PTPRD: variants seen among roughly 807,000 people sequenced by gnomAD.
The protein encoded by PTPRD is protein tyrosine phosphatase receptor type D.
A neutral mutation model predicts 214.5 loss-of-function variants in PTPRD; 34 were observed. That is an observed-to-expected ratio of 0.16 (90% CI 0.12 to 0.21). The LOEUF (loss-of-function observed/expected upper bound fraction) is 0.21, where lower values mean the gene tolerates loss of function less well. Among genes scored for constraint, PTPRD ranks in the 10% least tolerant of loss-of-function variants. PTPRD has a pLI of 1.00. For synonymous variants in PTPRD, 1,128 were observed against 845.7 expected, an observed-to-expected ratio of 1.33 and a Z score of -5.79; for missense variants, 2,545 against 2,398.7, an observed-to-expected ratio of 1.06 and a Z score of -1.27.
rs911024588 is a variant in PTPRD, at chr9:9,162,682, A to G, written c.-143+20622T>C. Among the ~76,000 whole-genome samples, 13 of 152,122 alleles carry G rather than the reference A, an allele frequency of 8.5e-5. 1 individual carries two copies. Among genetic ancestry groups the G allele is most frequent in the Non-Finnish European group, 2.9e-5 (2 of 68,004 alleles). On this transcript the variant is annotated intron_variant, in intron 10 of 45. Transcript: ENST00000381196. ...GCATGGTTTTTCAGCATTAAAAAATAGAAAATAAAAAGTAAACAACCTTCA... is the reference window on the plus strand; with the variant it reads ...GCATGGTTTTTCAGCATTAAAAAATGGAAAATAAAAAGTAAACAACCTTCA...
chr9:8,459,010 C>G (rs974997989), intron 33 of PTPRD, among the ~76,000 whole-genome samples: 37 of 151,960 alleles, frequency 2.4e-4, no homozygotes, highest in African/African-American at 8.7e-4. Flanking sequence ...TCTCTTAATG[C>G]TGGAATAAAA....
chr9:8,471,102 A>G lies in PTPRD; in HGVS notation c.3414-17T>C, dbSNP rs1591387838. 1 of 1,605,070 alleles carries G rather than the reference A, an allele frequency of 6.2e-7. No individual in the cohort carries two copies. The highest frequency in any genetic ancestry group is 1.3e-5 in the African/African-American group (1 of 74,774). ...TAGTAACCTCTGCACAAGAATGAAT[A>G]GATAAAAGTTAGGTTAGTTGAAAGG... On this transcript the variant is annotated splice_polypyrimidine_tract_variant and intron_variant, in intron 30 of 45. Coordinates refer to ENST00000381196, the MANE Select transcript of PTPRD (RefSeq NM_002839.4).
chr9:9,308,661 G>C (rs1002061035), intron 9 of PTPRD, among the ~76,000 whole-genome samples: 11 of 152,042 alleles, frequency 7.2e-5, no homozygotes, highest in African/African-American at 2.2e-4. Context: ...ATTGAAAGTA[G>C]CTTTATCTTC....
intron 2 of PTPRD, among the ~76,000 whole-genome samples, chr9:10,370,393 A>G (rs1194978990): frequency 1.3e-5 from 2 of 151,974 alleles, no homozygotes; most frequent in Non-Finnish European, 2.9e-5. Flanking sequence ...GCTGTGAAAT[A>G]TTTTCCTTTC....
chr9:10,047,453 G>C (rs1485547035), intron 3 of PTPRD, among the ~76,000 whole-genome samples: 1 of 151,410 alleles, frequency 6.6e-6, no homozygotes, highest in Non-Finnish European at 1.5e-5. Context: ...CATTTTATTA[G>C]TTTGAATAAA....
intron 5 of PTPRD, among the ~76,000 whole-genome samples, chr9:9,897,630 C>G (rs899947943): frequency 6.6e-6 from 1 of 151,928 alleles, no homozygotes; most frequent in Non-Finnish European, 1.5e-5. Context: ...TACAGTATTA[C>G]AAACTATGTA....
At chr9:8,376,469 T>C (rs1228201791) in intron 38 of PTPRD, 138 bp downstream of exon 38, 1 of 1,255,116 alleles carries the variant, frequency 8.0e-7, no homozygotes, top group Non-Finnish European at 1.1e-6. Context: ...TGAGTGATAA[T>C]GGAAGATCTA....
At chr9:9,180,709 C>T (rs965799700) in intron 10 of PTPRD, among the ~76,000 whole-genome samples, 16 of 151,970 alleles carry the variant, frequency 1.1e-4, no homozygotes, top group African/African-American at 3.6e-4. Flanking sequence ...TCAGGCAATG[C>T]CCTGAAACAA....
intron 5 of PTPRD, among the ~76,000 whole-genome samples, chr9:9,901,191 T>G (rs1043881817): frequency 6.6e-6 from 1 of 152,160 alleles, no homozygotes; most frequent in Non-Finnish European, 1.5e-5. Context: ...ATTATATGTC[T>G]CGGACTAGCC....
chr9:10,479,797 G>C (rs911707165), intron 2 of PTPRD, among the ~76,000 whole-genome samples: 1 of 151,974 alleles, frequency 6.6e-6, no homozygotes, highest in African/African-American at 2.4e-5. Context: ...CTTCAGCCTG[G>C]GCAACAGGGT....
intron 9 of PTPRD, among the ~76,000 whole-genome samples, chr9:9,345,703 C>T (rs2048532178): frequency 6.6e-6 from 1 of 151,984 alleles, no homozygotes. Flanking sequence ...ATCATAATGG[C>T]TTCCAGTAGT....
intron 12 of PTPRD, among the ~76,000 whole-genome samples, chr9:8,647,375 C>T (rs2096717212): frequency 6.6e-6 from 1 of 152,084 alleles, no homozygotes; most frequent in South Asian, 2.1e-4. Context: ...TAAGAATTTT[C>T]CATGCTTATT....
chr9:8,939,946 G>A (rs994804508), intron 11 of PTPRD, among the ~76,000 whole-genome samples: 2 of 151,004 alleles, frequency 1.3e-5, no homozygotes, highest in Admixed American at 1.3e-4. Context: ...TATATTTTTG[G>A]TCTCTTTAAA....
chr9:9,356,387 G>A (rs756405854), intron 9 of PTPRD, among the ~76,000 whole-genome samples: 4 of 151,288 alleles, frequency 2.6e-5, no homozygotes, highest in Non-Finnish European at 5.9e-5. Context: ...TTGTATAACA[G>A]CACTGGACTT....
intron 11 of PTPRD, among the ~76,000 whole-genome samples, chr9:8,835,472 G>A (rs985006674): frequency 1.3e-5 from 2 of 152,156 alleles, no homozygotes; most frequent in East Asian, 3.9e-4. Context: ...CAACCTCACC[G>A]CATACACTGA....
intron 3 of PTPRD, among the ~76,000 whole-genome samples, chr9:10,058,606 T>A (rs1335845462): frequency 6.6e-6 from 1 of 152,130 alleles, no homozygotes; most frequent in Non-Finnish European, 1.5e-5. Context: ...AGGATTAGAC[T>A]AAGGTGGTAG....
At chr9:9,663,789 TG>T (rs1172251816) in intron 7 of PTPRD, among the ~76,000 whole-genome samples, 1 of 151,626 alleles carries the variant, frequency 6.6e-6, no homozygotes, top group Admixed American at 6.6e-5. Flanking sequence ...ATATATGGCA[TG>T]TTATTCTGAT....
At chr9:9,540,700 T>C (rs1287952057) in intron 8 of PTPRD, among the ~76,000 whole-genome samples, 2 of 151,876 alleles carry the variant, frequency 1.3e-5, no homozygotes, top group Non-Finnish European at 2.9e-5. Flanking sequence ...ACTGCATTTG[T>C]CGATTTGGTG....
At chr9:8,734,033 A>G (rs1283397233) in intron 11 of PTPRD, 87 bp from the exon 12 acceptor site, 1 of 606,464 alleles carries the variant, frequency 1.6e-6, no homozygotes, top group South Asian at 1.9e-5. Context: ...TTCCATCACA[A>G]TCACCATGAC....
Sources: allele counts gnomAD v4.1 joint callset (sites outside exome capture counted in the v4.1 genomes callset), GRCh38; gene constraint gnomAD v4.1.1; transcripts MANE v1.5; gene names NCBI Gene and HGNC (gene_info 2026-07-23, HGNC 2026-07-21).